The following SLC24A2 variants were observed in gnomAD, a reference collection of about 807,000 sequenced individuals.
SLC24A2 encodes sodium/potassium/calcium exchanger 2.
A neutral mutation model predicts 62.0 loss-of-function variants in SLC24A2; 36 were observed. The ratio of observed to expected loss-of-function variants is 0.58; its 90% confidence interval spans 0.44 to 0.77. SLC24A2 has a LOEUF of 0.77. SLC24A2 is among the 30% of genes least tolerant of loss of function. The pLI is 0.00. For missense variants in SLC24A2, 846 were observed against 817.9 expected (o/e 1.03, Z -0.42); for synonymous variants, 358 against 294.0 (o/e 1.22, Z -2.23).
chr9:20,010,765 C>G, the SLC24A2 span, among the ~76,000 whole-genome samples: 4 of 127,322 alleles, frequency 3.1e-5, no homozygotes, highest in Non-Finnish European at 4.9e-5. Flanking sequence ...CCCCCTCCCC[C>G]CACCCCATGA....
chr9:19,905,566 A>G, the SLC24A2 span, among the ~76,000 whole-genome samples: 1 of 152,046 alleles, frequency 6.6e-6, no homozygotes, highest in East Asian at 1.9e-4. Flanking sequence ...GGCATGCGCT[A>G]CCACACCCGG....
the SLC24A2 span, among the ~76,000 whole-genome samples, chr9:19,827,120 C>A: frequency 6.6e-6 from 1 of 152,148 alleles, no homozygotes; most frequent in African/African-American, 2.4e-5. Flanking sequence ...TAAGTTGTCA[C>A]AAAACCACCA....
intron 7 of SLC24A2, among the ~76,000 whole-genome samples, chr9:19,558,673 C>T (rs898039867): frequency 2.3e-4 from 35 of 152,166 alleles, no homozygotes; most frequent in African/African-American, 8.0e-4. Context: ...CTTCAACATT[C>T]AGTGTTCAAA....
intron 2 of SLC24A2, among the ~76,000 whole-genome samples, chr9:19,780,790 G>A (rs2118926902): frequency 6.7e-6 from 1 of 150,290 alleles, no homozygotes; most frequent in Admixed American, 6.6e-5. Context: ...GGAGAATGGC[G>A]TGAACCCGGG....
the SLC24A2 span, among the ~76,000 whole-genome samples, chr9:19,932,783 A>C: frequency 2.0e-5 from 3 of 152,110 alleles, no homozygotes; most frequent in East Asian, 5.8e-4. Flanking sequence ...GTCCTTTCCT[A>C]TCAGTTATAA....
intron 2 of SLC24A2, among the ~76,000 whole-genome samples, chr9:19,627,653 G>A (rs937815777): frequency 6.6e-6 from 1 of 152,118 alleles, no homozygotes; most frequent in African/African-American, 2.4e-5. Flanking sequence ...AGCCTCCCAA[G>A]TAGTTGGGTC....
At chr9:20,109,188 TGA>T in the SLC24A2 span, among the ~76,000 whole-genome samples, 1 of 152,214 alleles carries the variant, frequency 6.6e-6, no homozygotes, top group Non-Finnish European at 1.5e-5. Flanking sequence ...TCACAGACAA[TGA>T]CAAAAAAGTC....
At chr9:20,105,709 G>T in the SLC24A2 span, among the ~76,000 whole-genome samples, 3 of 151,122 alleles carry the variant, frequency 2.0e-5, no homozygotes, top group African/African-American at 4.9e-5. Context: ...GTGTGTAGAG[G>T]GAAATTTATA....
At chr9:19,651,330 G>A (rs562238895) in intron 2 of SLC24A2, among the ~76,000 whole-genome samples, 1 of 152,198 alleles carries the variant, frequency 6.6e-6, no homozygotes, top group South Asian at 2.1e-4. Flanking sequence ...AATGGTGAAG[G>A]TGATGTTATC....
the SLC24A2 span, among the ~76,000 whole-genome samples, chr9:20,080,050 C>T: frequency 7.0e-4 from 106 of 152,228 alleles, 1 homozygote; most frequent in East Asian, 0.019. Flanking sequence ...GGCCATACTG[C>T]CCAAGGTAAT....
the SLC24A2 span, among the ~76,000 whole-genome samples, chr9:19,981,077 A>G: frequency 6.6e-6 from 1 of 152,216 alleles, no homozygotes; most frequent in Non-Finnish European, 1.5e-5. Flanking sequence ...GAGTATGGAG[A>G]TAGGACAAAC....
the SLC24A2 span, among the ~76,000 whole-genome samples, chr9:20,104,532 G>C: frequency 6.6e-6 from 1 of 152,204 alleles, no homozygotes; most frequent in Non-Finnish European, 1.5e-5. Flanking sequence ...AGAAGAGAGT[G>C]GGGGCCAATA....
chr9:19,580,314 C>G (rs999688686), intron 5 of SLC24A2, among the ~76,000 whole-genome samples: 4 of 152,250 alleles, frequency 2.6e-5, no homozygotes, highest in African/African-American at 9.6e-5. Context: ...AGATTAGTTT[C>G]TAGAAAGGCT....
At chr9:19,998,000 A>G in the SLC24A2 span, among the ~76,000 whole-genome samples, 1 of 152,156 alleles carries the variant, frequency 6.6e-6, no homozygotes, top group Non-Finnish European at 1.5e-5. Context: ...TTTTTGGGAA[A>G]AAAGCCAATA....
chr9:19,755,781 T>C (rs1253355073), intron 2 of SLC24A2, among the ~76,000 whole-genome samples: 1 of 152,240 alleles, frequency 6.6e-6, no homozygotes, highest in African/African-American at 2.4e-5. Flanking sequence ...AACAGTCAAC[T>C]TCACAGTTTA....
chr9:19,532,101 T>G (rs1224084698), intron 8 of SLC24A2, among the ~76,000 whole-genome samples: 1 of 152,046 alleles, frequency 6.6e-6, no homozygotes, highest in African/African-American at 2.4e-5. Flanking sequence ...TTTGTTTGTT[T>G]GACAGAGTTT....
intron 8 of SLC24A2, among the ~76,000 whole-genome samples, chr9:19,533,017 T>C (rs970639041): frequency 3.3e-5 from 5 of 152,200 alleles, no homozygotes; most frequent in African/African-American, 9.7e-5. Context: ...AACAAAGCCA[T>C]TAATAAAACT....
intron 2 of SLC24A2, among the ~76,000 whole-genome samples, chr9:19,765,852 G>C (rs1564088761): frequency 6.6e-6 from 1 of 152,202 alleles, no homozygotes; most frequent in South Asian, 2.1e-4. Context: ...TGCCTTGCTA[G>C]GTTGGGGAAG....
At chr9:19,587,498 A>G (rs1730914067) in intron 5 of SLC24A2, among the ~76,000 whole-genome samples, 1 of 152,242 alleles carries the variant, frequency 6.6e-6, no homozygotes, top group Non-Finnish European at 1.5e-5. Flanking sequence ...AACGTGGGTT[A>G]GCAGCAGAAG....
Sources: allele counts gnomAD v4.1 joint callset (sites outside exome capture counted in the v4.1 genomes callset), GRCh38; gene constraint gnomAD v4.1.1; transcripts MANE v1.5; gene names NCBI Gene and HGNC (gene_info 2026-07-23, HGNC 2026-07-21).